LRRC3B: variants seen among roughly 807,000 people sequenced by gnomAD.
The protein encoded by LRRC3B is leucine-rich repeat-containing protein 3B.
In LRRC3B, 2 loss-of-function variants were observed where a neutral mutation model predicts 12.8. The observed-to-expected ratio is 0.16, with a 90% confidence interval of 0.06 to 0.49. The LOEUF (loss-of-function observed/expected upper bound fraction) is 0.49. Ranked by LOEUF, LRRC3B falls within the 20% of genes least tolerant of loss-of-function variation. The pLI is 0.96. For missense variants in LRRC3B, 189 were observed against 319.4 expected (o/e 0.59, Z 3.11); for synonymous variants, 132 against 122.0 (o/e 1.08, Z -0.54).
At chr3:26,664,634 G>C (rs1699561944) in intron 1 of LRRC3B, among the ~76,000 whole-genome samples, 1 of 152,106 alleles carries the variant, frequency 6.6e-6, no homozygotes, top group South Asian at 2.1e-4. Context: ...TTGGGTGGTG[G>C]GGAAGTAAAG....
Position 26,661,723 on chromosome 3 carries a change from A to G in LRRC3B, c.-161+38486A>G, listed in dbSNP as rs1699495820. Reference sequence around the variant, plus strand: ...TGTGATTGCTAATGCTGCAGTGTTTATAGTAGTGGCCACACTCTCTTGAAT... The same window carrying G: ...TGTGATTGCTAATGCTGCAGTGTTTGTAGTAGTGGCCACACTCTCTTGAAT... On this transcript the variant is annotated intron_variant, in intron 1 of 1. Transcript: ENST00000396641. Among the ~76,000 whole-genome samples, 3 of 152,168 alleles carry G rather than the reference A, an allele frequency of 2.0e-5. No individual in the cohort carries two copies. In the South Asian group the frequency reaches 6.2e-4, roughly 31 times the overall value.
intron 1 of LRRC3B, among the ~76,000 whole-genome samples, chr3:26,684,607 C>T (rs1428039280): frequency 6.6e-6 from 1 of 152,184 alleles, no homozygotes; most frequent in African/African-American, 2.4e-5. Flanking sequence ...TGCACCACCA[C>T]ATGGCAGAAG....
At chr3:26,683,781 C>G (rs1013674861) in intron 1 of LRRC3B, among the ~76,000 whole-genome samples, 22 of 152,226 alleles carry the variant, frequency 1.4e-4, no homozygotes, top group African/African-American at 5.3e-4. Flanking sequence ...TCTACCTCCC[C>G]TAACCTCATT....
chr3:26,624,138 G>C (rs1214333880), intron 1 of LRRC3B: 2 of 152,414 alleles, frequency 1.3e-5, no homozygotes, highest in Non-Finnish European at 2.9e-5. Context: ...GGGCCCTTGG[G>C]TACTTGGGAA....
chr3:26,692,466 G>T (rs1027363502), intron 1 of LRRC3B, among the ~76,000 whole-genome samples: 8 of 152,188 alleles, frequency 5.3e-5, no homozygotes, highest in African/African-American at 1.9e-4. Context: ...TTTCTCAGCT[G>T]CTTGAAAGTT....
At chr3:26,652,712 A>T (rs188878295) in intron 1 of LRRC3B, among the ~76,000 whole-genome samples, 5,671 of 150,382 alleles carry the variant, frequency 0.038, 111 homozygotes, top group Non-Finnish European at 0.046. Context: ...CTTTTTTTTA[A>T]AAAAAAATCA....
intron 1 of LRRC3B, among the ~76,000 whole-genome samples, chr3:26,663,163 T>C (rs969306652): frequency 1.2e-4 from 19 of 152,270 alleles, no homozygotes; most frequent in Non-Finnish European, 2.6e-4. Context: ...GTTTCTCCTT[T>C]TTTTGTAGCC....
At chr3:26,661,836 G>T (rs985101206) in intron 1 of LRRC3B, among the ~76,000 whole-genome samples, 1 of 152,116 alleles carries the variant, frequency 6.6e-6, no homozygotes, top group Non-Finnish European at 1.5e-5. Context: ...TATTTCTTTA[G>T]ATTCTACCAG....
rs1699038259 is a variant in LRRC3B at position 26,641,844 on chromosome 3, A to G, written c.-161+18607A>G. Among the ~76,000 whole-genome samples, 6 of 152,322 alleles carry G rather than the reference A, an allele frequency of 3.9e-5. 1 individual carries two copies. In the South Asian group the frequency reaches 1.2e-3, roughly 32 times the overall value. On this transcript the variant is annotated intron_variant, in intron 1 of 1. Coordinates refer to ENST00000396641, the Ensembl canonical transcript of LRRC3B. ...AGTAGTTCTCAAACTTTTTGGTATC[A>G]GAACCCTTTTAGACACTCAGCAATT...
intron 1 of LRRC3B, among the ~76,000 whole-genome samples, chr3:26,685,583 C>G (rs1700069074): frequency 8.3e-6 from 1 of 120,694 alleles, no homozygotes; most frequent in Non-Finnish European, 1.6e-5. Context: ...CAAATATATA[C>G]AAGCTTCACT....
intron 1 of LRRC3B, among the ~76,000 whole-genome samples, chr3:26,662,457 A>T (rs1013858472): frequency 2.0e-5 from 3 of 151,144 alleles, no homozygotes; most frequent in Non-Finnish European, 4.4e-5. Context: ...ACTTCCTCCT[A>T]CTCCTGCTAT....
chr3:26,669,352 C>G (rs562254468), intron 1 of LRRC3B, among the ~76,000 whole-genome samples: 5 of 152,062 alleles, frequency 3.3e-5, no homozygotes, highest in African/African-American at 1.2e-4. Flanking sequence ...CCTTTCATTA[C>G]GATGGAGTGA....
At chr3:26,664,832 C>G (rs1575140141) in intron 1 of LRRC3B, among the ~76,000 whole-genome samples, 1 of 152,018 alleles carries the variant, frequency 6.6e-6, no homozygotes, top group Non-Finnish European at 1.5e-5. Flanking sequence ...AACTCCCAGT[C>G]ACTTGACTCC....
At chr3:26,705,204 T>C (rs1247282956) in intron 1 of LRRC3B, among the ~76,000 whole-genome samples, 6 of 152,202 alleles carry the variant, frequency 3.9e-5, no homozygotes, top group Non-Finnish European at 8.8e-5. Flanking sequence ...CTGGAAATGG[T>C]ATTTGATGGT....
chr3:26,695,298 CG>C (rs1333223619), intron 1 of LRRC3B, among the ~76,000 whole-genome samples: 2 of 152,128 alleles, frequency 1.3e-5, no homozygotes, highest in East Asian at 1.9e-4. Context: ...GGGGCCGAGG[CG>C]GGGGGACCAC....
At chr3:26,631,582 T>G (rs1489919481) in intron 1 of LRRC3B, among the ~76,000 whole-genome samples, 1 of 152,118 alleles carries the variant, frequency 6.6e-6, no homozygotes, top group East Asian at 1.9e-4. Flanking sequence ...TGGGAGAAGA[T>G]AACAGAATGT....
Position 26,627,914 on chromosome 3 carries a change from T to C in LRRC3B, c.-161+4677T>C, listed in dbSNP as rs570971066. 9.1e-4 allele frequency among the ~76,000 whole-genome samples: 138 copies of C among 152,250 alleles called. 1 individual carries two copies. The highest frequency in any genetic ancestry group is 3.3e-3 in the African/African-American group (136 of 41,540). On this transcript the variant is annotated intron_variant, in intron 1 of 1. Transcript: ENST00000396641. ...AAAGAGACATAACACTGAAGTTAAG[T>C]GTGACAATATCCAAAAGAAATGGTC... is the stretch of plus-strand genomic sequence containing the variant.
chr3:26,641,622 A>C (rs539332770), intron 1 of LRRC3B, among the ~76,000 whole-genome samples: 19 of 152,190 alleles, frequency 1.2e-4, no homozygotes, highest in Non-Finnish European at 2.4e-4. Context: ...ACGTTGGGGC[A>C]GGAGACTGGG....
chr3:26,675,654 A>AAT (rs746001673), intron 1 of LRRC3B, among the ~76,000 whole-genome samples: 32 of 152,212 alleles, frequency 2.1e-4, no homozygotes, highest in Admixed American at 1.3e-3. Context: ...GGCATTGTTG[A>AAT]ATATATATGC....
Sources: allele counts gnomAD v4.1 joint callset (sites outside exome capture counted in the v4.1 genomes callset), GRCh38; gene constraint gnomAD v4.1.1; transcripts MANE v1.5; gene names NCBI Gene and HGNC (gene_info 2026-07-23, HGNC 2026-07-21).